Variants in USP5 observed in about 807,000 individuals in gnomAD.
USP5 encodes the protein ubiquitin specific peptidase 5, also known as ubiquitin carboxyl-terminal hydrolase 5.
USP5 carries 24 observed loss-of-function variants against 102.5 expected under a neutral mutation model. That is an observed-to-expected ratio of 0.23 (90% confidence interval 0.17 to 0.33). The LOEUF is 0.33. Ranked by LOEUF, USP5 falls within the 10% of genes least tolerant of loss-of-function variation. The probability of loss-of-function intolerance (pLI) is 1.00; values close to 1 mark genes in which losing one functional copy is unlikely to be tolerated. For missense variants in USP5, 753 were observed against 1,122.1 expected, an observed-to-expected ratio of 0.67 and a Z score of 4.70; for synonymous variants, 460 against 434.8, an observed-to-expected ratio of 1.06 and a Z score of -0.72.
rs781792354 is a variant in USP5 at position 6,855,212 on chromosome 12, G to A, written c.112-189G>A. The stretch of plus-strand genomic sequence containing the variant: ...GTTGGTTGTTATCAAAGTCATGGGA[G>A]GAAATGGGGAGAATCTTAGCTATGT... On this transcript the variant is annotated intron_variant, in intron 1 of 19. Transcript: ENST00000229268. This position sits in a 1 kb window ranked among gnomAD's most constrained non-coding sequence, Gnocchi z 4.6. Among the ~76,000 whole-genome samples, 1 of 152,318 alleles carries A rather than the reference G, an allele frequency of 6.6e-6. No individual in the cohort carries two copies. The highest frequency in any genetic ancestry group is 6.5e-5 in the Admixed American group (1 of 15,310).
rs868956735 is a variant in USP5 at position 6,866,156 on chromosome 12, A to G, written c.*79A>G. The stretch of plus-strand genomic sequence containing the variant: ...GGAGAGGGGCTGAGGGATGGACTTC[A>G]GCCCCTCTGCTCTGTACCCTTTTTC... On this transcript the variant is annotated 3_prime_UTR_variant, in exon 20 of 20. Transcript: ENST00000229268. This position sits in a 1 kb window ranked among gnomAD's most constrained non-coding sequence, Gnocchi z 4.7. 18 of 1,323,194 alleles carry G rather than the reference A, an allele frequency of 1.4e-5. No individual in the cohort carries two copies. Among genetic ancestry groups the G allele is most frequent in the African/African-American group, 2.9e-5 (2 of 68,640 alleles). The allele number at this position is 1,323,194 out of a possible 1,614,324, so 82.0% of individuals were successfully genotyped here.
In USP5 at chr12:6,860,349, G is replaced by T. The variant is rs1555129257; in HGVS notation, c.1219-17G>T. The T allele has an allele frequency of 6.2e-7, 1 of 1,614,150 alleles. No homozygotes were observed. Among genetic ancestry groups the T allele is most frequent in the Non-Finnish European group, 8.5e-7 (1 of 1,180,012 alleles). ...GCCACTGAGCCCCAGCTGAGTCCCTGCCCTGACTCTTCCCAGGAAGTTCAA... is the reference window on the plus strand; with the variant it reads ...GCCACTGAGCCCCAGCTGAGTCCCTTCCCTGACTCTTCCCAGGAAGTTCAA... On this transcript the variant is annotated splice_polypyrimidine_tract_variant and intron_variant, in intron 10 of 19. Transcript: ENST00000229268. The surrounding 1 kb of genome is among the most constrained non-coding windows in gnomAD (Gnocchi z 5.5).
intron 6 of USP5, chr12:6,857,424 C>T: frequency 3.8e-6 from 2 of 524,562 alleles, no homozygotes; most frequent in South Asian, 2.8e-5. Context: ...TTCCAACCCT[C>T]ACCCGGTTTC....
rs782808055 is a variant in USP5 at position 6,856,184 on chromosome 12, G to A, written c.438+34G>A. 44 of 1,613,466 alleles carry A rather than the reference G, an allele frequency of 2.7e-5. No individual in the cohort carries two copies. Among genetic ancestry groups the A allele is most frequent in the Non-Finnish European group, 3.6e-5 (43 of 1,179,570 alleles). On this transcript the variant is annotated intron_variant, in intron 4 of 19. Transcript: ENST00000229268. The surrounding 1 kb of genome is among the most constrained non-coding windows in gnomAD (Gnocchi z 5.6). ...GCCCCCTATGCTACCCAAGATTCTA[G>A]AGCAAGATGGGCCAGGGTAGTGGTG...
At position 6,863,739 on chromosome 12, in the gene USP5, G is replaced by A. The variant is rs1591610762; in HGVS notation, c.1955-91G>A. ...CATGGGAGAAAAATGCATGGAATGG[G>A]TGATTGGAAGAGGGCTGGGTCCTGG... On this transcript the variant is annotated intron_variant, in intron 15 of 19. Transcript: ENST00000229268. This position sits in a 1 kb window ranked among gnomAD's most constrained non-coding sequence, Gnocchi z 4.7. The A allele has an allele frequency of 6.8e-7, 1 of 1,477,784 alleles. No individual in the cohort carries two copies. The highest frequency in any genetic ancestry group is 1.4e-5 in the South Asian group (1 of 71,100). 91.5% of individuals were successfully genotyped at this position (1,477,784 alleles called of 1,614,324 possible).
intron 1 of USP5, 120 bp downstream of exon 1, chr12:6,852,410 C>T (rs1943940229): frequency 1.0e-6 from 1 of 1,000,582 alleles, no homozygotes; most frequent in East Asian, 2.7e-5. Context: ...GACTTGTAGT[C>T]TCCCACGCTC....
chr12:6,852,689 A>T (rs1236625941), intron 1 of USP5, among the ~76,000 whole-genome samples: 1 of 144,568 alleles, frequency 6.9e-6, no homozygotes, highest in Non-Finnish European at 1.5e-5. Context: ...GATGGGGACG[A>T]CTCCCCACTG....
intron 6 of USP5, 154 bp from the exon 7 acceptor site, chr12:6,857,475 C>T (rs991783398): frequency 3.7e-5 from 23 of 615,858 alleles, no homozygotes; most frequent in African/African-American, 2.2e-4. Flanking sequence ...GGGCCATGAC[C>T]GCACTCATAT....
chr12:6,853,405 G>A (rs1944004746), intron 1 of USP5, among the ~76,000 whole-genome samples: 1 of 152,266 alleles, frequency 6.6e-6, no homozygotes, highest in Admixed American at 6.5e-5. Context: ...CTCAGACAAT[G>A]TGCTGCTTCT....
chr12:6,865,486 C>A (rs1555130647), intron 19 of USP5, among the ~76,000 whole-genome samples: 1 of 152,144 alleles, frequency 6.6e-6, no homozygotes, highest in Non-Finnish European at 1.5e-5. Context: ...TGGTCTTGAA[C>A]TCCTGAGCTC....
At position 6,864,886 on chromosome 12, in the gene USP5, C is replaced by T. The variant is rs1388795071; in HGVS notation, c.2398+11C>T. On this transcript the variant is annotated intron_variant, in intron 18 of 19. Transcript: ENST00000229268. This position sits in a 1 kb window ranked among gnomAD's most constrained non-coding sequence, Gnocchi z 4.8. ...GGGATGGTCCTGGAAGTGAGTATCCCCAGGAAGCAGGACAGGCCTGGTGGA... is the reference window on the plus strand; with the variant it reads ...GGGATGGTCCTGGAAGTGAGTATCCTCAGGAAGCAGGACAGGCCTGGTGGA... 3 of 1,611,868 alleles carry T rather than the reference C, an allele frequency of 1.9e-6. No homozygotes were observed. Among genetic ancestry groups the T allele is most frequent in the African/African-American group, 2.7e-5 (2 of 74,976 alleles).
rs1944077310 is a variant in USP5, at chr12:6,855,360, A to T, written c.112-41A>T. 1.9e-6 allele frequency: 3 copies of T among 1,608,750 alleles called. No individual in the cohort carries two copies. In the East Asian group the frequency reaches 6.7e-5, roughly 36 times the overall value. On this transcript the variant is annotated intron_variant, in intron 1 of 19. Transcript: ENST00000229268. This position sits in a 1 kb window ranked among gnomAD's most constrained non-coding sequence, Gnocchi z 4.6. ...TGGTTTCCTCACCTGACCAGGCTTC[A>T]TAACATCCTCGTGTTTTCACCCTTA...
rs782259794 is a variant in USP5, at chr12:6,856,668, C to T, written c.585-39C>T. On this transcript the variant is annotated intron_variant, in intron 5 of 19. Transcript: ENST00000229268. This position sits in a 1 kb window ranked among gnomAD's most constrained non-coding sequence, Gnocchi z 5.6. ...TCTCTCTGCCACTCCCTCAAATCCC[C>T]GACCCACATTTCTGCTGATTCTCTT... The T allele has an allele frequency of 9.3e-6, 15 of 1,608,374 alleles. No individual in the cohort carries two copies. The East Asian group carries it at 1.1e-4, about 12-fold the overall frequency.
intron 1 of USP5, among the ~76,000 whole-genome samples, chr12:6,854,393 G>A (rs928396698): frequency 6.6e-6 from 1 of 152,130 alleles, no homozygotes; most frequent in African/African-American, 2.4e-5. Flanking sequence ...CCACACTTCA[G>A]CAGGAGAGGA....
chr12:6,852,813 C>G (rs971240295), intron 1 of USP5, among the ~76,000 whole-genome samples: 1 of 152,014 alleles, frequency 6.6e-6, no homozygotes, highest in Non-Finnish European at 1.5e-5. Context: ...GCCTCCACCC[C>G]GTGGTTAAAA....
chr12:6,854,093 G>A (rs1159112213), intron 1 of USP5, among the ~76,000 whole-genome samples: 2 of 152,196 alleles, frequency 1.3e-5, no homozygotes, highest in African/African-American at 2.4e-5. Context: ...GGTCAGCTTT[G>A]GGGGAAGCCC....
rs782619064 is a variant in USP5 at position 6,864,205 on chromosome 12, G to A, written c.2244+10G>A. On this transcript the variant is annotated intron_variant, in intron 17 of 19. Transcript: ENST00000229268. The surrounding 1 kb of genome is among the most constrained non-coding windows in gnomAD (Gnocchi z 4.8). ...AGCGCTGCGGGCCACGGTATGGGCT[G>A]CCCCAGCTAAGGACATGGGGCCAGT... 10 of 1,592,896 alleles carry A rather than the reference G, an allele frequency of 6.3e-6. No individual in the cohort carries two copies. The highest frequency in any genetic ancestry group is 7.7e-6 in the Non-Finnish European group (9 of 1,169,154).
Position 6,860,769 on chromosome 12 carries a change from C to T in USP5, c.1345-184C>T, listed in dbSNP as rs1234992322. 1.3e-5 allele frequency among the ~76,000 whole-genome samples: 2 copies of T among 152,198 alleles called. No individual in the cohort carries two copies. Among genetic ancestry groups the T allele is most frequent in the East Asian group, 1.9e-4 (1 of 5,196 alleles). Reference sequence around the variant, plus strand: ...ACAAGCGTGTTCTAACACAGTCCCTCAGTGCAGGGATGGGGCCAGAAATGG... The same window carrying T: ...ACAAGCGTGTTCTAACACAGTCCCTTAGTGCAGGGATGGGGCCAGAAATGG... On this transcript the variant is annotated intron_variant, in intron 11 of 19. Transcript: ENST00000229268. This position sits in a 1 kb window ranked among gnomAD's most constrained non-coding sequence, Gnocchi z 5.5.
At position 6,856,002 on chromosome 12, in the gene USP5, T is replaced by A. The variant is rs1555128134; in HGVS notation, c.305-15T>A. On this transcript the variant is annotated splice_polypyrimidine_tract_variant and intron_variant, in intron 3 of 19. Coordinates refer to ENST00000229268, the MANE Select transcript of USP5 (RefSeq NM_001098536.2). This position sits in a 1 kb window ranked among gnomAD's most constrained non-coding sequence, Gnocchi z 5.6. ...GTCATTGCTCTACTCTCCCTCTTCTTCCCTATCCTTCCAGGTGTTGAAGGC... is the reference window on the plus strand; with the variant it reads ...GTCATTGCTCTACTCTCCCTCTTCTACCCTATCCTTCCAGGTGTTGAAGGC... 1 of 1,613,958 alleles carries A rather than the reference T, an allele frequency of 6.2e-7. No homozygotes were observed. Among genetic ancestry groups the A allele is most frequent in the African/African-American group, 1.3e-5 (1 of 74,896 alleles).
Sources: allele counts gnomAD v4.1 joint callset (sites outside exome capture counted in the v4.1 genomes callset), GRCh38; gene constraint gnomAD v4.1.1; non-coding constraint Gnocchi (gnomAD v3.1); transcripts MANE v1.5; gene names NCBI Gene and HGNC (gene_info 2026-07-23, HGNC 2026-07-21).